TPO: variants seen among roughly 807,000 people sequenced by gnomAD.
TPO encodes thyroid peroxidase.
Under a neutral mutation model 96.9 loss-of-function variants are expected in TPO, and 78 were observed. That is an observed-to-expected ratio of 0.81 (90% CI 0.67 to 0.97). The LOEUF (loss-of-function observed/expected upper bound fraction) is 0.97. TPO is among the 50% of genes least tolerant of loss of function. The pLI, the probability that TPO is intolerant of heterozygous loss-of-function variation, is 0.00. For synonymous variants in TPO, 547 were observed against 538.0 expected, an observed-to-expected ratio of 1.02 and a Z score of -0.23; for missense variants, 1,252 against 1,274.8, an observed-to-expected ratio of 0.98 and a Z score of 0.27.
chr2:1,460,956 G>A (rs1668371071), intron 7 of TPO, among the ~76,000 whole-genome samples: 1 of 152,236 alleles, frequency 6.6e-6, no homozygotes, highest in African/African-American at 2.4e-5. Context: ...GTTTGGGCAA[G>A]AGCTGGTGAA....
chr2:1,477,865 C>T (rs937401593), intron 8 of TPO: 157 of 985,314 alleles, frequency 1.6e-4, no homozygotes, highest in Non-Finnish European at 1.9e-4. Context: ...CTCCGGGGCC[C>T]CTCTGTCCCA....
chr2:1,503,819 A>C, intron 13 of TPO, 129 bp from the exon 14 acceptor site: 1 of 1,555,460 alleles, frequency 6.4e-7, no homozygotes, highest in South Asian at 1.1e-5. Flanking sequence ...GGTTCCCCCT[A>C]GACCAGGTGG....
chr2:1,377,116 T>C (rs1661734362), intron 1 of TPO, among the ~76,000 whole-genome samples: 1 of 152,214 alleles, frequency 6.6e-6, no homozygotes, highest in Admixed American at 6.5e-5. Context: ...AAATGTTTTC[T>C]CCCTTAATAA....
At chr2:1,539,909 G>A (rs1680527344) in intron 15 of TPO, among the ~76,000 whole-genome samples, 1 of 152,088 alleles carries the variant, frequency 6.6e-6, no homozygotes. Flanking sequence ...CAGAATCAAG[G>A]GAAACAAACA....
At chr2:1,540,556 G>T (rs758432026) in intron 15 of TPO, 38 bp from the exon 16 acceptor site, 2 of 1,610,094 alleles carry the variant, frequency 1.2e-6, no homozygotes, top group South Asian at 2.2e-5. Context: ...TCACGGTGCC[G>T]GACCCTCTCC....
At chr2:1,398,895 C>A (rs1662125091) in intron 1 of TPO, among the ~76,000 whole-genome samples, 1 of 152,204 alleles carries the variant, frequency 6.6e-6, no homozygotes, top group Non-Finnish European at 1.5e-5. Flanking sequence ...GCGCTGGCAC[C>A]AAACTCCTTG....
At chr2:1,415,061 C>T (rs974261203) in intron 2 of TPO, among the ~76,000 whole-genome samples, 1 of 152,208 alleles carries the variant, frequency 6.6e-6, no homozygotes, top group Non-Finnish European at 1.5e-5. Flanking sequence ...CCTCGCTGGG[C>T]AGGTCCCTGG....
chr2:1,493,758 G>T, intron 10 of TPO, 44 bp from the exon 11 acceptor site: 1 of 1,610,876 alleles, frequency 6.2e-7, no homozygotes, highest in Non-Finnish European at 8.5e-7. Flanking sequence ...CTGAACAAAA[G>T]TTCAGTTCTG....
intron 1 of TPO, among the ~76,000 whole-genome samples, chr2:1,388,432 G>A (rs1237054107): frequency 3.3e-5 from 5 of 152,164 alleles, no homozygotes; most frequent in African/African-American, 9.6e-5. Context: ...CCCCAGCCTC[G>A]CTGCCGCCTT....
At chr2:1,516,257 T>C (rs751177802) in intron 14 of TPO, among the ~76,000 whole-genome samples, 7 of 152,170 alleles carry the variant, frequency 4.6e-5, no homozygotes, top group Non-Finnish European at 8.8e-5. Context: ...CTCTGTCTGA[T>C]TCCCACCAAC....
intron 13 of TPO, among the ~76,000 whole-genome samples, chr2:1,497,991 C>CAAAAAAAAAAAAA (rs543921082): frequency 1.1e-5 from 1 of 87,266 alleles, no homozygotes; most frequent in African/African-American, 4.7e-5. Context: ...CCCCATCTAC[C>CAAAAAAAAAAAAA]AAAAAAAAAA....
intron 4 of TPO, among the ~76,000 whole-genome samples, chr2:1,433,829 A>G (rs919860864): frequency 6.6e-6 from 1 of 152,232 alleles, no homozygotes; most frequent in Non-Finnish European, 1.5e-5. Context: ...TTTCTCTCCT[A>G]TCCAAATCAA....
At chr2:1,473,986 A>G (rs1669673198) in intron 7 of TPO, among the ~76,000 whole-genome samples, 1 of 152,210 alleles carries the variant, frequency 6.6e-6, no homozygotes, top group South Asian at 2.1e-4. Context: ...TTTCTCTTAC[A>G]GTAGCTTTAC....
At chr2:1,431,269 C>T (rs1039362330) in intron 3 of TPO, among the ~76,000 whole-genome samples, 1 of 152,132 alleles carries the variant, frequency 6.6e-6, no homozygotes, top group Non-Finnish European at 1.5e-5. Context: ...CACCTGCCCG[C>T]TTGACCTCTT....
intron 3 of TPO, among the ~76,000 whole-genome samples, chr2:1,427,768 T>G (rs900052944): frequency 3.3e-5 from 5 of 152,198 alleles, no homozygotes; most frequent in Non-Finnish European, 5.9e-5. Context: ...TCACACTCCT[T>G]GAGCAGTAAA....
intron 7 of TPO, among the ~76,000 whole-genome samples, chr2:1,469,730 A>G (rs2148647739): frequency 6.6e-6 from 1 of 152,152 alleles, no homozygotes; most frequent in Admixed American, 6.5e-5. Context: ...CGTAATCTAG[A>G]CCTTCAGGTT....
intron 2 of TPO, among the ~76,000 whole-genome samples, chr2:1,421,443 G>A (rs183408871): frequency 5.5e-5 from 8 of 144,518 alleles, no homozygotes; most frequent in African/African-American, 1.7e-4. Flanking sequence ...CGCGTCACTC[G>A]GAGATTGATT....
chr2:1,456,388 A>G (rs1667789689), intron 7 of TPO, 106 bp downstream of exon 7: 1 of 1,240,722 alleles, frequency 8.1e-7, no homozygotes. Context: ...TCTTTGTCCT[A>G]TTCCCAGGGG....
intron 2 of TPO, among the ~76,000 whole-genome samples, 195 bp downstream of exon 2, chr2:1,414,697 A>G (rs948559452): frequency 9.8e-5 from 15 of 152,340 alleles, no homozygotes; most frequent in Admixed American, 5.2e-4. Flanking sequence ...TCTTTAAAAA[A>G]GAGCTGATTT....
Sources: gnomAD v4.1 joint callset for allele counts (sites outside exome capture counted in the v4.1 genomes callset) on GRCh38, gnomAD v4.1.1 for gene constraint, MANE v1.5 for transcripts, NCBI Gene and HGNC (gene_info 2026-07-23, HGNC 2026-07-21) for gene names.